LDB2: variants seen among roughly 807,000 people sequenced by gnomAD.
The protein encoded by LDB2 is LIM domain-binding protein 2.
Under a neutral mutation model 44.3 loss-of-function variants are expected in LDB2, and 12 were observed. The observed-to-expected ratio is 0.27, with a 90% CI of 0.17 to 0.44. LDB2 has a LOEUF of 0.44. Ranked by LOEUF, LDB2 falls within the 20% of genes least tolerant of loss-of-function variation. The pLI is 1.00. For missense variants in LDB2, 344 were observed against 473.5 expected, an observed-to-expected ratio of 0.73 and a Z score of 2.54; for synonymous variants, 164 against 174.8, an observed-to-expected ratio of 0.94 and a Z score of 0.49.
intron 1 of LDB2, among the ~76,000 whole-genome samples, chr4:16,795,509 G>C (rs145188020): frequency 4.6e-5 from 7 of 152,194 alleles, no homozygotes; most frequent in African/African-American, 1.7e-4. Context: ...ACCCTTGAAG[G>C]GTTTCCAAAG....
chr4:16,863,775 C>T (rs951274508), intron 1 of LDB2, among the ~76,000 whole-genome samples: 2 of 151,182 alleles, frequency 1.3e-5, no homozygotes, highest in Admixed American at 6.6e-5. Context: ...ATTCTCCTGC[C>T]TCAGCCTTCC....
At chr4:16,570,532 G>A (rs1484747268) in intron 5 of LDB2, among the ~76,000 whole-genome samples, 1 of 144,348 alleles carries the variant, frequency 6.9e-6, no homozygotes, top group African/African-American at 2.6e-5. Context: ...AGCCACGGGA[G>A]GCAGAGAAAC....
chr4:16,698,691 G>T (rs1334541292), intron 2 of LDB2, among the ~76,000 whole-genome samples: 2 of 151,740 alleles, frequency 1.3e-5, no homozygotes, highest in Non-Finnish European at 2.9e-5. Flanking sequence ...TTCCTGATTT[G>T]TCATTCTTTT....
rs573904357 is a variant in LDB2, at chr4:16,570,238, C to T, written c.615+15684G>A. 2.5e-4 allele frequency among the ~76,000 whole-genome samples: 38 copies of T among 151,646 alleles called. No individual in the cohort carries two copies. The East Asian group carries it at 2.7e-3, about 11-fold the overall frequency. ...CAGCACTTTGGGAGGCTGAGGTGGG[C>T]GGATCACGAGGTCAGGAGATCGAGA... On this transcript the variant is annotated intron_variant, in intron 5 of 7. Coordinates refer to ENST00000304523, the MANE Select transcript of LDB2 (RefSeq NM_001290.5).
At chr4:16,893,026 G>GA (rs1053579200) in intron 1 of LDB2, 74 of 860,768 alleles carry the variant, frequency 8.6e-5, no homozygotes, top group East Asian at 2.4e-4. Context: ...GAAAATGGGG[G>GA]AAAAAAAAGA....
chr4:16,635,151 A>T (rs1733220577), intron 2 of LDB2, among the ~76,000 whole-genome samples: 1 of 151,942 alleles, frequency 6.6e-6, no homozygotes, highest in African/African-American at 2.4e-5. Flanking sequence ...GGGGGTGGGG[A>T]GCAAGGGGAG....
At chr4:16,541,395 G>A (rs906417332) in intron 5 of LDB2, among the ~76,000 whole-genome samples, 2 of 152,070 alleles carry the variant, frequency 1.3e-5, no homozygotes, top group Admixed American at 6.5e-5. Flanking sequence ...AGCTCCCTGA[G>A]GCCTCCTCAG....
At chr4:16,789,800 C>T (rs1178871602) in intron 1 of LDB2, among the ~76,000 whole-genome samples, 1 of 152,112 alleles carries the variant, frequency 6.6e-6, no homozygotes, top group African/African-American at 2.4e-5. Flanking sequence ...GGTGTGATGG[C>T]ATACGCCTGT....
intron 1 of LDB2, among the ~76,000 whole-genome samples, chr4:16,854,469 G>T (rs1487593659): frequency 6.9e-6 from 1 of 145,946 alleles, no homozygotes. Flanking sequence ...TGTCCTTCCA[G>T]ATATTTTTTA....
chr4:16,837,447 G>A (rs1372949665), intron 1 of LDB2, among the ~76,000 whole-genome samples: 1 of 152,090 alleles, frequency 6.6e-6, no homozygotes, highest in East Asian at 1.9e-4. Context: ...TCATACCTTG[G>A]CATAGTCTCT....
chr4:16,588,761 A>T lies in LDB2; in HGVS notation c.480T>A (p.Phe160Leu), dbSNP rs113993338. Residue 160 changes from phenylalanine (F) to leucine (L), a missense_variant, in exon 4 of 8, where the codon TTT (phenylalanine) becomes TTA (leucine). This residue lies in a region of LDB2 where 226 missense variants were observed against 270.1 expected (regional missense o/e 0.84). Transcript: ENST00000304523. ...CTAACTCTCGGTATTGTCTAATGGT[A>T]AAGTGCCATGTTTTGATTCTCATGA... ...DDLMRIKTWH[F>L]TIRQYRELVP... 3.1e-6 allele frequency: 5 copies of T among 1,613,960 alleles called. No individual in the cohort carries two copies. The highest frequency in any genetic ancestry group is 1.6e-4 in the Middle Eastern group (1 of 6,062).
intron 1 of LDB2, among the ~76,000 whole-genome samples, chr4:16,778,122 A>G (rs1232112764): frequency 6.6e-6 from 1 of 152,136 alleles, no homozygotes; most frequent in Non-Finnish European, 1.5e-5. Context: ...GGGCACACAT[A>G]TTTGATCTGA....
chr4:16,749,236 T>A (rs1764961713), intron 2 of LDB2, among the ~76,000 whole-genome samples: 2 of 152,042 alleles, frequency 1.3e-5, no homozygotes, highest in South Asian at 4.1e-4. Flanking sequence ...AAAATCAGTC[T>A]TAGCATTGTA....
intron 2 of LDB2, among the ~76,000 whole-genome samples, chr4:16,613,026 T>C (rs1726127683): frequency 6.7e-6 from 1 of 148,406 alleles, no homozygotes; most frequent in African/African-American, 2.5e-5. Flanking sequence ...GCTTCATCCC[T>C]GAGATGCAAG....
intron 5 of LDB2, among the ~76,000 whole-genome samples, chr4:16,578,789 A>G (rs1455791077): frequency 2.6e-5 from 4 of 152,220 alleles, no homozygotes; most frequent in African/African-American, 4.8e-5. Flanking sequence ...AAGATTTTGG[A>G]GCAACTTAAC....
intron 1 of LDB2, among the ~76,000 whole-genome samples, chr4:16,882,557 C>G (rs1371334488): frequency 8.5e-5 from 13 of 152,074 alleles, no homozygotes; most frequent in Non-Finnish European, 1.9e-4. Flanking sequence ...CTCCAGAGAC[C>G]AGGTAATATT....
At chr4:16,704,823 C>T (rs157628) in intron 2 of LDB2, among the ~76,000 whole-genome samples, 52,660 of 152,088 alleles carry the variant, frequency 0.35, 10,068 homozygotes, top group East Asian at 0.66. Flanking sequence ...AGACTGCTTG[C>T]TCACTTACAA....
intron 1 of LDB2, among the ~76,000 whole-genome samples, chr4:16,850,181 G>C (rs566451041): frequency 1.9e-4 from 29 of 152,070 alleles, no homozygotes; most frequent in African/African-American, 6.5e-4. Context: ...CTGTGAGTCT[G>C]TTATGGGAGC....
At chr4:16,562,766 C>A (rs1276384028) in intron 5 of LDB2, among the ~76,000 whole-genome samples, 1 of 152,142 alleles carries the variant, frequency 6.6e-6, no homozygotes. Flanking sequence ...CACATGCACA[C>A]GTATGTTTAT....
Sources: gnomAD v4.1 joint callset for allele counts (sites outside exome capture counted in the v4.1 genomes callset) on GRCh38, gnomAD v4.1.1 for gene constraint, gnomAD v4.1.1 regional missense constraint, MANE v1.5 for transcripts, NCBI Gene and HGNC (gene_info 2026-07-23, HGNC 2026-07-21) for gene names.